Variants in KANK1 observed in about 807,000 individuals in gnomAD.
KANK1 encodes KN motif and ankyrin repeat domain-containing protein 1.
In KANK1, 109 loss-of-function variants were observed where a neutral mutation model predicts 106.2. The ratio of observed to expected loss-of-function variants is 1.03; its 90% confidence interval spans 0.88 to 1.20. KANK1 has a LOEUF of 1.20. Ranked by LOEUF, KANK1 falls within the 50% of genes most tolerant of loss-of-function variation. The probability of loss-of-function intolerance (pLI) is 0.00; values close to 1 mark genes in which losing one functional copy is unlikely to be tolerated. For missense variants in KANK1, 2,399 were observed against 1,710.7 expected, an observed-to-expected ratio of 1.40 and a Z score of -7.10; for synonymous variants, 873 against 652.2, an observed-to-expected ratio of 1.34 and a Z score of -5.16.
chr9:505,740 A>G (rs2058726960), intron 1 of KANK1, among the ~76,000 whole-genome samples: 1 of 152,214 alleles, frequency 6.6e-6, no homozygotes, highest in Non-Finnish European at 1.5e-5. Context: ...AGCCCATCTT[A>G]TTAAATAGTG....
At chr9:638,255 T>A (rs969786016) in intron 1 of KANK1, among the ~76,000 whole-genome samples, 2 of 152,216 alleles carry the variant, frequency 1.3e-5, no homozygotes, top group Admixed American at 6.5e-5. Flanking sequence ...TTCTTATAGC[T>A]ATGGAGGCTG....
chr9:605,684 G>A (rs1828924436), intron 1 of KANK1, among the ~76,000 whole-genome samples: 1 of 151,728 alleles, frequency 6.6e-6, no homozygotes, highest in Admixed American at 6.6e-5. Flanking sequence ...CAAAATTCTG[G>A]GTTTTAAAAG....
intron 1 of KANK1, among the ~76,000 whole-genome samples, chr9:518,889 A>T (rs565908115): frequency 4.7e-5 from 7 of 147,788 alleles, no homozygotes; most frequent in Admixed American, 3.4e-4. Context: ...TTGTCTTTAA[A>T]TTTTTTTTTT....
chr9:547,119 T>G (rs2060980732), intron 1 of KANK1, among the ~76,000 whole-genome samples: 1 of 152,212 alleles, frequency 6.6e-6, no homozygotes. Context: ...TTGGTGTTCT[T>G]TTTCAGCCTT....
At chr9:533,997 C>A (rs933769075) in intron 1 of KANK1, among the ~76,000 whole-genome samples, 1 of 152,200 alleles carries the variant, frequency 6.6e-6, no homozygotes, top group Non-Finnish European at 1.5e-5. Flanking sequence ...ATGTAAGTCA[C>A]CCAGACTTTT....
chr9:578,904 A>G (rs903248122), intron 1 of KANK1, among the ~76,000 whole-genome samples: 2 of 152,204 alleles, frequency 1.3e-5, no homozygotes, highest in African/African-American at 4.8e-5. Flanking sequence ...GAGCTTATCC[A>G]TGGGGAGGGG....
At chr9:507,927 G>A (rs12345253) in intron 1 of KANK1, among the ~76,000 whole-genome samples, 77 of 151,008 alleles carry the variant, frequency 5.1e-4, no homozygotes, top group Non-Finnish European at 9.2e-4. Context: ...CTTGTGATCC[G>A]CCCACCTCAG....
chr9:727,310 A>T (rs1422883919), intron 3 of KANK1, among the ~76,000 whole-genome samples: 3 of 150,008 alleles, frequency 2.0e-5, no homozygotes, highest in Admixed American at 1.3e-4. Flanking sequence ...AAAAAATGGC[A>T]AATCCAAGGA....
At chr9:682,043 G>A (rs183407910) in intron 2 of KANK1, among the ~76,000 whole-genome samples, 50 of 152,228 alleles carry the variant, frequency 3.3e-4, no homozygotes, top group African/African-American at 1.2e-3. Context: ...ACTTTGGGAG[G>A]CCGATGCAGG....
chr9:650,595 C>G (rs1376266047), intron 1 of KANK1, among the ~76,000 whole-genome samples: 3 of 152,142 alleles, frequency 2.0e-5, no homozygotes, highest in South Asian at 4.2e-4. Flanking sequence ...GGCTGTGACT[C>G]TGCATATCCC....
intron 1 of KANK1, among the ~76,000 whole-genome samples, chr9:661,493 A>G (rs1843303453): frequency 2.6e-5 from 4 of 152,138 alleles, no homozygotes; most frequent in African/African-American, 4.8e-5. Flanking sequence ...CATGGTGTAT[A>G]TGTGCCACGT....
intron 1 of KANK1, among the ~76,000 whole-genome samples, chr9:642,620 A>T (rs2137202285): frequency 6.6e-6 from 1 of 151,084 alleles, no homozygotes. Flanking sequence ...ACCAGCTGAT[A>T]AAATTCCCCT....
intron 8 of KANK1, 112 bp downstream of exon 8, chr9:738,616 T>G: frequency 1.2e-6 from 1 of 817,698 alleles, no homozygotes; most frequent in East Asian, 2.6e-5. Context: ...TAAAATCCTT[T>G]TTATTGCTTT....
chr9:667,743 T>TTTTTTTTTTTTGAGATGGAGTC (rs1844973454), intron 1 of KANK1, among the ~76,000 whole-genome samples: 1 of 22,606 alleles, frequency 4.4e-5, no homozygotes. Context: ...GGTTTTTTTG[T>TTTTTTTTTTTTGAGATGGAGTC]TTTGTTTTTT....
intron 1 of KANK1, among the ~76,000 whole-genome samples, chr9:621,329 C>G (rs913490882): frequency 6.6e-6 from 1 of 152,126 alleles, no homozygotes; most frequent in Non-Finnish European, 1.5e-5. Flanking sequence ...GCATTGCTGA[C>G]TGTAGTAAAA....
intron 1 of KANK1, among the ~76,000 whole-genome samples, chr9:577,965 C>G (rs1285970632): frequency 3.3e-5 from 5 of 152,126 alleles, no homozygotes; most frequent in Non-Finnish European, 7.3e-5. Flanking sequence ...TTGATCATTA[C>G]CTGTGCACAC....
At chr9:541,923 A>G (rs1038776982) in intron 1 of KANK1, among the ~76,000 whole-genome samples, 8 of 151,480 alleles carry the variant, frequency 5.3e-5, no homozygotes, top group African/African-American at 1.9e-4. Context: ...CCCCGTCTCT[A>G]CTAAAAATAC....
intron 2 of KANK1, among the ~76,000 whole-genome samples, chr9:682,146 G>C (rs562978572): frequency 3.3e-5 from 5 of 152,002 alleles, no homozygotes; most frequent in African/African-American, 1.2e-4. Flanking sequence ...TGGGTGTGGT[G>C]GTGGGCGCCT....
chr9:734,975 A>G (rs2131916785), intron 7 of KANK1, 140 bp downstream of exon 7: 1 of 652,124 alleles, frequency 1.5e-6, no homozygotes, highest in Non-Finnish European at 2.8e-6. Flanking sequence ...TGGGCTGGGT[A>G]AACATCATGT....
Sources: allele counts gnomAD v4.1 joint callset (sites outside exome capture counted in the v4.1 genomes callset), GRCh38; gene constraint gnomAD v4.1.1; transcripts MANE v1.5; gene names NCBI Gene and HGNC (gene_info 2026-07-23, HGNC 2026-07-21).